The following RYR2 variants were observed in gnomAD, a reference collection of about 807,000 sequenced individuals.
RYR2 encodes cardiac muscle ryanodine receptor-calcium release channel.
RYR2 carries 227 observed loss-of-function variants against 601.1 expected under a neutral mutation model. That is an observed-to-expected ratio of 0.38 (90% CI 0.34 to 0.42). The LOEUF is 0.42. Among genes scored for constraint, RYR2 ranks in the 10% least tolerant of loss-of-function variants. The pLI, the probability that RYR2 is intolerant of heterozygous loss-of-function variation, is 1.00. For missense variants in RYR2, 4,646 were observed against 6,156.5 expected (o/e 0.75, Z 8.21); for synonymous variants, 2,223 against 2,175.1 (o/e 1.02, Z -0.61).
At chr1:237,561,315 C>T (rs1040772524) in intron 27 of RYR2, among the ~76,000 whole-genome samples, 8 of 152,160 alleles carry the variant, frequency 5.3e-5, no homozygotes, top group African/African-American at 1.9e-4. Context: ...GATATAACAG[C>T]ATGCTTCATA....
At chr1:237,533,436 G>A (rs948604748) in intron 25 of RYR2, among the ~76,000 whole-genome samples, 6 of 152,138 alleles carry the variant, frequency 3.9e-5, no homozygotes, top group Middle Eastern at 3.4e-3. Flanking sequence ...AGTTCGCACC[G>A]ACGAGCAGGC....
At chr1:237,566,261 T>C (rs978653757) in intron 27 of RYR2, among the ~76,000 whole-genome samples, 4 of 152,102 alleles carry the variant, frequency 2.6e-5, no homozygotes, top group Non-Finnish European at 4.4e-5. Context: ...ACCAAGGCAC[T>C]TGGGTTTTGT....
chr1:237,392,739 A>G (rs1346488108), intron 10 of RYR2, among the ~76,000 whole-genome samples: 1 of 152,196 alleles, frequency 6.6e-6, no homozygotes, highest in Non-Finnish European at 1.5e-5. Flanking sequence ...TACATTTTAA[A>G]ATGGATGCAT....
At chr1:237,202,493 C>T (rs571254727) in intron 1 of RYR2, among the ~76,000 whole-genome samples, 5 of 152,244 alleles carry the variant, frequency 3.3e-5, no homozygotes, top group East Asian at 3.9e-4. Flanking sequence ...CTGCAACCTC[C>T]ACCTCCTGGC....
intron 88 of RYR2, among the ~76,000 whole-genome samples, chr1:237,779,339 TTGTTTGCTCACTGC>T (rs1694913553): frequency 6.6e-6 from 1 of 152,318 alleles, no homozygotes; most frequent in Admixed American, 6.5e-5. Context: ...AAATATCAGC[TTGTTTGCTCACTGC>T]TGTATTTGTT....
At chr1:237,512,870 C>CA (rs1666051263) in intron 24 of RYR2, among the ~76,000 whole-genome samples, 1 of 152,064 alleles carries the variant, frequency 6.6e-6, no homozygotes, top group Non-Finnish European at 1.5e-5. Context: ...GACCCTGTCT[C>CA]AAAAATGATA....
chr1:237,556,355 A>G (rs1670878136), intron 27 of RYR2, among the ~76,000 whole-genome samples: 1 of 151,160 alleles, frequency 6.6e-6, no homozygotes, highest in African/African-American at 2.4e-5. Context: ...GCTGGAGTGC[A>G]GTGGTGCAAT....
At chr1:237,286,989 T>G (rs1691645009) in intron 2 of RYR2, among the ~76,000 whole-genome samples, 1 of 152,218 alleles carries the variant, frequency 6.6e-6, no homozygotes, top group Non-Finnish European at 1.5e-5. Context: ...CTGAGCTCCT[T>G]TTAGCAGTTC....
chr1:237,329,596 C>T (rs1057208687), intron 2 of RYR2, among the ~76,000 whole-genome samples: 4 of 150,908 alleles, frequency 2.7e-5, no homozygotes, highest in Non-Finnish European at 5.9e-5. Context: ...GAGCCGAGAT[C>T]GCACCATCGC....
intron 2 of RYR2, among the ~76,000 whole-genome samples, chr1:237,309,289 TCTCCAAGTCCCCA>T (rs765819797): frequency 6.6e-6 from 1 of 151,150 alleles, no homozygotes; most frequent in Non-Finnish European, 1.5e-5. Flanking sequence ...ACATAAAGGT[TCTCCAAGTCCCCA>T]CTAGATTAGC....
chr1:237,129,806 A>G (rs1327509421), intron 1 of RYR2, among the ~76,000 whole-genome samples: 1 of 152,108 alleles, frequency 6.6e-6, no homozygotes, highest in Non-Finnish European at 1.5e-5. Context: ...AACTATGAGG[A>G]CATTATGCTA....
intron 100 of RYR2, among the ~76,000 whole-genome samples, chr1:237,817,614 G>A (rs1463360870): frequency 1.3e-5 from 2 of 152,156 alleles, no homozygotes; most frequent in Non-Finnish European, 2.9e-5. Flanking sequence ...GAGTATAATT[G>A]GCACAGAGAT....
intron 72 of RYR2, 40 bp from the exon 73 acceptor site, chr1:237,718,422 A>G (rs1404066851): frequency 9.5e-7 from 1 of 1,050,800 alleles, no homozygotes; most frequent in Non-Finnish European, 1.5e-6. Flanking sequence ...CAGTTGATGC[A>G]ATAGAAGACT....
chr1:237,431,702 T>G (rs1706820561), intron 12 of RYR2, among the ~76,000 whole-genome samples: 1 of 152,148 alleles, frequency 6.6e-6, no homozygotes, highest in African/African-American at 2.4e-5. Context: ...TCTAAAAATG[T>G]GAAGATTTCA....
chr1:237,739,045 T>C (rs1299001067), intron 79 of RYR2, among the ~76,000 whole-genome samples: 1 of 152,206 alleles, frequency 6.6e-6, no homozygotes, highest in African/African-American at 2.4e-5. Context: ...ATGATTTTCA[T>C]TTCTCTTGGC....
intron 38 of RYR2, among the ~76,000 whole-genome samples, chr1:237,619,311 G>A (rs1678821180): frequency 6.6e-6 from 1 of 152,094 alleles, no homozygotes. Flanking sequence ...AGCCTCAACG[G>A]CAGAGAAACA....
intron 1 of RYR2, among the ~76,000 whole-genome samples, chr1:237,163,355 A>ACCCCCCCCCCCCCCCC (rs67343728): frequency 5.5e-5 from 5 of 90,280 alleles, no homozygotes; most frequent in Admixed American, 2.3e-4. Context: ...CCAACCCCCT[A>ACCCCCCCCCCCCCCCC]CCCCCCCCAC....
intron 2 of RYR2, among the ~76,000 whole-genome samples, chr1:237,277,223 T>TA (rs1235426481): frequency 6.6e-6 from 1 of 152,178 alleles, no homozygotes; most frequent in African/African-American, 2.4e-5. Flanking sequence ...TATTTATGTT[T>TA]AAAAAATAAT....
intron 3 of RYR2, among the ~76,000 whole-genome samples, chr1:237,339,058 G>T (rs757217609): frequency 1.2e-4 from 19 of 152,060 alleles, no homozygotes; most frequent in Admixed American, 5.9e-4. Context: ...CTCTGTATAA[G>T]TCTTCTGTAT....
Sources: allele counts gnomAD v4.1 joint callset (sites outside exome capture counted in the v4.1 genomes callset), GRCh38; gene constraint gnomAD v4.1.1; transcripts MANE v1.5; gene names NCBI Gene and HGNC (gene_info 2026-07-23, HGNC 2026-07-21).